The following VWF variants were observed in gnomAD, a reference collection of about 807,000 sequenced individuals.
VWF encodes Factor VIII related antigen.
In VWF, 176 loss-of-function variants were observed where a neutral mutation model predicts 308.6. That is an observed-to-expected ratio of 0.57 (90% CI 0.50 to 0.65). VWF has a LOEUF of 0.65. Ranked by LOEUF, VWF falls within the 30% of genes least tolerant of loss-of-function variation. The pLI is 0.00. For missense variants in VWF, 3,146 were observed against 3,648.2 expected (o/e 0.86, Z 3.55); for synonymous variants, 1,385 against 1,443.4 (o/e 0.96, Z 0.92).
chr12:6,082,211 C>T (rs540148255), intron 6 of VWF, among the ~76,000 whole-genome samples: 364 of 152,280 alleles, frequency 2.4e-3, no homozygotes, highest in Non-Finnish European at 4.1e-3. Flanking sequence ...ATGATCTGCC[C>T]GCCTAGGCCT....
At position 6,057,953 on chromosome 12, in the gene VWF, G is replaced by T; in HGVS notation, c.1625C>A (p.Ala542Glu). Residue 542 changes from alanine to glutamate, a missense_variant, in exon 14 of 52, where the codon GCG (alanine) becomes GAG (glutamate). Ala to Glu is a moderately radical substitution (Grantham distance 107). Around this residue, in one of 3 missense-constraint regions of VWF, gnomAD observed 1,304 missense variants for 1,353.0 expected, o/e 0.96. Transcript: ENST00000261405. ...GDDFLTPSGL[A>E]EPRVEDFGNA... ...CCCGAAGTCCTCCACCCGGGGCTCC[G>T]CCAGCCCAGAGGGGGTAAGGAAGTC... The T allele has an allele frequency of 6.2e-7, 1 of 1,613,708 alleles. No homozygotes were observed. Among genetic ancestry groups the T allele is most frequent in the Non-Finnish European group, 8.5e-7 (1 of 1,180,020 alleles).
chr12:6,090,645 C>CTCCTCGTCCTCCTCCTCCTCCTCT, intron 6 of VWF, among the ~76,000 whole-genome samples: 1 of 151,416 alleles, frequency 6.6e-6, no homozygotes, highest in African/African-American at 2.4e-5. Context: ...CCTCCTCCTC[C>CTCCTCGTCCTCCTCCTCCTCCTCT]TCCTCATCAT....
rs1250915385 is a variant in VWF, at chr12:6,092,620, T to TGAGAGTGAGAGAGAGTGA, written c.657+2839_657+2840insTCACTCTCTCTCACTCTC. ...CAGCTAGTTAGTGAGTGAGTGAGAG[T>TGAGAGTGAGAGAGAGTGA]GTGTGTGTGTGTGTGTGTGTGTGTG... is the stretch of plus-strand genomic sequence containing the variant. On this transcript the variant is annotated intron_variant, in intron 6 of 51. Coordinates refer to ENST00000261405, the MANE Select transcript of VWF (RefSeq NM_000552.5). Among the ~76,000 whole-genome samples the TGAGAGTGAGAGAGAGTGA allele has an allele frequency of 6.7e-5, 6 of 89,696 alleles. 1 individual carries two copies. Among genetic ancestry groups the TGAGAGTGAGAGAGAGTGA allele is most frequent in the African/African-American group, 3.6e-4 (6 of 16,792 alleles). The allele number at this position is 89,696 out of a possible 152,430, so 58.8% of individuals were successfully genotyped here.
chr12:5,958,048 C>T (rs1943269801), intron 47 of VWF, among the ~76,000 whole-genome samples: 1 of 151,268 alleles, frequency 6.6e-6, no homozygotes, highest in African/African-American at 2.4e-5. Flanking sequence ...AGAGCAACCA[C>T]TAAAATAGTA....
At chr12:6,044,577 G>C in intron 17 of VWF, 126 bp from the exon 18 acceptor site, 1 of 1,233,674 alleles carries the variant, frequency 8.1e-7, no homozygotes, top group Non-Finnish European at 1.1e-6. Context: ...CACTCACGGG[G>C]ACCAGCAGCT....
In VWF at chr12:6,034,834, C is replaced by A; in HGVS notation, c.2547-8G>T. ...TTCCGGTCCTGACAGACACTAGGAG[C>A]AGTCATGGCAGAGATGACAAGTTGG... On this transcript the variant is annotated splice_polypyrimidine_tract_variant and splice_region_variant and intron_variant, in intron 19 of 51. Transcript: ENST00000261405. The A allele has an allele frequency of 6.2e-7, 1 of 1,613,734 alleles. No homozygotes were observed. The highest frequency in any genetic ancestry group is 8.5e-7 in the Non-Finnish European group (1 of 1,179,654).
chr12:6,071,827 G>GGGCCT (rs1439794226), intron 9 of VWF, among the ~76,000 whole-genome samples: 1 of 152,202 alleles, frequency 6.6e-6, no homozygotes, highest in African/African-American at 2.4e-5. Flanking sequence ...CAGGAGACTG[G>GGGCCT]CAAAGCCAGC....
At chr12:6,055,952 C>T (rs898800844) in intron 15 of VWF, among the ~76,000 whole-genome samples, 1 of 151,754 alleles carries the variant, frequency 6.6e-6, no homozygotes, top group East Asian at 1.9e-4. Context: ...CTACTTTACC[C>T]TAAAAAACAG....
intron 3 of VWF, 44 bp from the exon 4 acceptor site, chr12:6,111,012 A>G: frequency 6.6e-7 from 1 of 1,506,874 alleles, no homozygotes; most frequent in Non-Finnish European, 9.2e-7. Context: ...TACTCCTCTC[A>G]AAAAATGAAT....
In VWF at chr12:5,993,887, A is replaced by G. The variant is rs1354432862; in HGVS notation, c.6573T>C (p.Val2191=). 6.2e-7 allele frequency: 1 copy of G among 1,613,692 alleles called. No homozygotes were observed. The highest frequency in any genetic ancestry group is 2.2e-5 in the East Asian group (1 of 44,882). ...CACAGAAATCAGGTGTCCTCCAGTC[A>G]ACGCAGACCCCGTTGGTCCGACAGA... ...AHLCRTNGVC[V]DWRTPDFCAM... The change falls in exon 37 of 52, where the codon GTT becomes GTC. Residue 2191 remains valine (V), a synonymous_variant. Transcript: ENST00000261405.
In VWF at chr12:6,016,578, T is replaced by G. The variant is rs766882631; in HGVS notation, c.5249A>C (p.Glu1750Ala). 1.9e-6 allele frequency: 3 copies of G among 1,614,050 alleles called. No individual in the cohort carries two copies. In the Admixed American group the frequency reaches 5.0e-5, roughly 27 times the overall value. The change falls in exon 30 of 52, where the codon GAG (glutamate) becomes GCG (alanine). Residue 1750 changes from glutamate to alanine, a missense_variant. Physicochemically the swap from Glu to Ala is moderately radical, Grantham distance 107. Coordinates refer to ENST00000261405, the MANE Select transcript of VWF (RefSeq NM_000552.5). ...TIDVPWNVVPEKAHLLSLVDV... is the reference protein window; with the variant it reads ...TIDVPWNVVPAKAHLLSLVDV... ...CACAAGGCTCAGCAAATGGGCTTTC[T>G]CCGGGACCACGTTCCATGGCACGTC...
chr12:6,118,545 C>T (rs1200609255), intron 3 of VWF, among the ~76,000 whole-genome samples: 2 of 151,878 alleles, frequency 1.3e-5, no homozygotes, highest in Non-Finnish European at 2.9e-5. Flanking sequence ...CACCACAACG[C>T]CTGGCTAATT....
intron 18 of VWF, among the ~76,000 whole-genome samples, chr12:6,040,077 GA>G (rs1229673072): frequency 3.9e-5 from 6 of 152,182 alleles, no homozygotes; most frequent in Admixed American, 1.3e-4. Flanking sequence ...CCGTGTGATA[GA>G]AGGGGCTGAC....
At chr12:6,079,377 C>T (rs1397028471) in intron 6 of VWF, among the ~76,000 whole-genome samples, 6 of 152,190 alleles carry the variant, frequency 3.9e-5, no homozygotes, top group East Asian at 1.9e-4. Flanking sequence ...GAGGCCAAGG[C>T]GGGCGGATCA....
At position 6,121,291 on chromosome 12, in the gene VWF, A is replaced by G; in HGVS notation, c.103T>C (p.Cys35Arg). ...GTRGRSSTAR[C>R]SLFGSDFVNT... The stretch of plus-strand genomic sequence containing the variant: ...ACGAAGTCACTTCCGAAAAGGCTGC[A>G]TCGGGCCGTGGATGACCTGCCGCGA... The change falls in exon 3 of 52, where the codon TGC (cysteine) becomes CGC (arginine). Residue 35 changes from cysteine to arginine, a missense_variant. Transcript: ENST00000261405. 1.2e-6 allele frequency: 2 copies of G among 1,614,236 alleles called. No individual in the cohort carries two copies. Among genetic ancestry groups the G allele is most frequent in the Non-Finnish European group, 1.7e-6 (2 of 1,180,044 alleles).
At chr12:6,034,558 G>T in intron 20 of VWF, 130 bp downstream of exon 20, 2 of 1,387,272 alleles carry the variant, frequency 1.4e-6, no homozygotes, top group Non-Finnish European at 2.0e-6. Flanking sequence ...GAAGGACTGG[G>T]AAGTACTCCA....
chr12:5,994,480 T>G lies in VWF; in HGVS notation c.6191A>C (p.Gln2064Pro). The change falls in exon 36 of 52, where the codon CAA becomes CCA. Residue 2064 changes from glutamine (Q) to proline (P), a missense_variant. Coordinates refer to ENST00000261405, the MANE Select transcript of VWF (RefSeq NM_000552.5). The part of the protein sequence containing the change: ...HLGHIFTFTP[Q>P]NNEFQLQLSP... ...GAGCTGCAGTTGGAACTCATTGTTTTGTGGAGTGAATGTGAAGATGTGACC... is the reference window on the plus strand; with the variant it reads ...GAGCTGCAGTTGGAACTCATTGTTTGGTGGAGTGAATGTGAAGATGTGACC... The G allele has an allele frequency of 1.9e-6, 3 of 1,614,164 alleles. No individual in the cohort carries two copies. The highest frequency in any genetic ancestry group is 2.5e-6 in the Non-Finnish European group (3 of 1,180,016).
chr12:5,982,016 G>T (rs753552162), intron 41 of VWF, 25 bp from the exon 42 acceptor site: 115 of 1,609,682 alleles, frequency 7.1e-5, no homozygotes, highest in Non-Finnish European at 8.1e-5. Context: ...AGGCCACACT[G>T]AGCACTGCGC....
chr12:6,111,279 C>T (rs1196633446), intron 3 of VWF, among the ~76,000 whole-genome samples: 1 of 152,172 alleles, frequency 6.6e-6, no homozygotes, highest in Non-Finnish European at 1.5e-5. Context: ...AGAAGACAAA[C>T]ATGCGACAAT....
Sources: gnomAD v4.1 joint callset for allele counts (sites outside exome capture counted in the v4.1 genomes callset) on GRCh38, gnomAD v4.1.1 for gene constraint, gnomAD v4.1.1 regional missense constraint, MANE v1.5 for transcripts, NCBI Gene and HGNC (gene_info 2026-07-23, HGNC 2026-07-21) for gene names.